Variants in REC114 observed in about 807,000 individuals in gnomAD.
REC114 encodes the protein meiotic recombination protein REC114.
REC114 carries 27 observed loss-of-function variants against 31.3 expected under a neutral mutation model. The ratio of observed to expected loss-of-function variants is 0.86; its 90% CI spans 0.64 to 1.19. The LOEUF (loss-of-function observed/expected upper bound fraction) is 1.19, where lower values mean the gene tolerates loss of function less well. Ranked by LOEUF, REC114 falls within the 50% of genes most tolerant of loss-of-function variation. The pLI is 0.00. For synonymous variants in REC114, 134 were observed against 127.7 expected, an observed-to-expected ratio of 1.05 and a Z score of -0.33; for missense variants, 344 against 326.9, an observed-to-expected ratio of 1.05 and a Z score of -0.40.
intron 1 of REC114, among the ~76,000 whole-genome samples, chr15:73,464,567 A>G (rs1256965990): frequency 6.6e-6 from 1 of 152,014 alleles, no homozygotes; most frequent in Non-Finnish European, 1.5e-5. Flanking sequence ...GTGTTGGGAG[A>G]TGCAGAAGTC....
intron 5 of REC114, among the ~76,000 whole-genome samples, chr15:73,558,770 A>G (rs753122407): frequency 5.9e-5 from 9 of 152,348 alleles, no homozygotes; most frequent in Middle Eastern, 3.4e-3. Flanking sequence ...ACAAAGTTAA[A>G]TATACACTCA....
chr15:73,500,947 C>T (rs1337339710), intron 2 of REC114, among the ~76,000 whole-genome samples: 2 of 152,016 alleles, frequency 1.3e-5, no homozygotes, highest in African/African-American at 4.8e-5. Context: ...TCAGGTGTCC[C>T]CATGGTCTTA....
intron 3 of REC114, among the ~76,000 whole-genome samples, chr15:73,549,562 G>A (rs1018911234): frequency 2.0e-5 from 3 of 152,120 alleles, no homozygotes; most frequent in Non-Finnish European, 4.4e-5. Flanking sequence ...CTCATTGAAT[G>A]CCTGTATCAA....
chr15:73,530,394 G>C (rs1254718004), intron 2 of REC114, among the ~76,000 whole-genome samples: 2 of 152,134 alleles, frequency 1.3e-5, no homozygotes, highest in Non-Finnish European at 2.9e-5. Context: ...GGGTGTGGTG[G>C]CTTATGCCTA....
At chr15:73,520,404 C>T (rs566406542) in intron 2 of REC114, among the ~76,000 whole-genome samples, 9 of 152,054 alleles carry the variant, frequency 5.9e-5, no homozygotes, top group South Asian at 4.2e-4. Flanking sequence ...CTAATTTTTG[C>T]ATTTTTAGCA....
intron 2 of REC114, among the ~76,000 whole-genome samples, chr15:73,508,130 G>A (rs1893706578): frequency 6.6e-6 from 1 of 152,126 alleles, no homozygotes; most frequent in Non-Finnish European, 1.5e-5. Flanking sequence ...TCTGAGGTCA[G>A]AGATTATGTC....
chr15:73,456,926 G>A (rs1033851471), intron 1 of REC114, among the ~76,000 whole-genome samples: 16 of 151,972 alleles, frequency 1.1e-4, no homozygotes, highest in African/African-American at 3.6e-4. Context: ...AAAAATAACA[G>A]TTTTTTAATT....
chr15:73,521,055 G>A (rs4777603), intron 2 of REC114, among the ~76,000 whole-genome samples: 1 of 152,302 alleles, frequency 6.6e-6, no homozygotes, highest in East Asian at 1.9e-4. Flanking sequence ...CATAGAGGAT[G>A]AGTATCTCTT....
chr15:73,490,568 G>A (rs1893428791), intron 2 of REC114, among the ~76,000 whole-genome samples: 1 of 152,100 alleles, frequency 6.6e-6, no homozygotes, highest in Non-Finnish European at 1.5e-5. Context: ...AGGCATGGTG[G>A]CATACACCTG....
chr15:73,493,598 C>T (rs538092898), intron 2 of REC114, among the ~76,000 whole-genome samples: 26 of 152,274 alleles, frequency 1.7e-4, no homozygotes, highest in African/African-American at 6.3e-4. Context: ...GCAATAACCT[C>T]ACTGTCCTTA....
At chr15:73,506,779 C>G (rs1476780341) in intron 2 of REC114, among the ~76,000 whole-genome samples, 1 of 152,130 alleles carries the variant, frequency 6.6e-6, no homozygotes, top group Non-Finnish European at 1.5e-5. Flanking sequence ...AGATTAAGAG[C>G]AATACAAGTC....
At chr15:73,484,527 A>C (rs1037086029) in intron 2 of REC114, among the ~76,000 whole-genome samples, 3 of 152,212 alleles carry the variant, frequency 2.0e-5, no homozygotes, top group Non-Finnish European at 4.4e-5. Flanking sequence ...ATATTTCTCC[A>C]AATTTAAAAA....
At chr15:73,547,432 T>G (rs2141333677) in intron 3 of REC114, among the ~76,000 whole-genome samples, 1 of 152,288 alleles carries the variant, frequency 6.6e-6, no homozygotes, top group African/African-American at 2.4e-5. Context: ...GGGGACCCTG[T>G]TAAATGGTTG....
chr15:73,472,063 T>G (rs1428777972), intron 1 of REC114, among the ~76,000 whole-genome samples: 2 of 152,234 alleles, frequency 1.3e-5, no homozygotes, highest in African/African-American at 2.4e-5. Context: ...TGCTTTGTCA[T>G]TGTTCATTGA....
rs145648281 is a variant in REC114 at position 73,477,989 on chromosome 15, C to A, written c.249+4068C>A. 9.7e-4 allele frequency among the ~76,000 whole-genome samples: 147 copies of A among 152,030 alleles called. 1 individual carries two copies. Among genetic ancestry groups the A allele is most frequent in the African/African-American group, 3.4e-3 (141 of 41,502 alleles). On this transcript the variant is annotated intron_variant, in intron 2 of 5. Coordinates refer to ENST00000331090, the MANE Select transcript of REC114 (RefSeq NM_001042367.2). ...TAAGAATTTGGGTTTATTGGCCGGG[C>A]GTGGTGGCTCACGCCTGTAATCCCA...
At chr15:73,526,048 T>G (rs1044087564) in intron 2 of REC114, among the ~76,000 whole-genome samples, 1 of 152,202 alleles carries the variant, frequency 6.6e-6, no homozygotes, top group African/African-American at 2.4e-5. Flanking sequence ...TTACGTTTTC[T>G]TGATTAATTT....
chr15:73,537,067 C>G (rs1483679823), intron 2 of REC114, among the ~76,000 whole-genome samples: 1 of 152,332 alleles, frequency 6.6e-6, no homozygotes, highest in Non-Finnish European at 1.5e-5. Context: ...GAAGCACCTT[C>G]TAGTGTTAAG....
intron 1 of REC114, among the ~76,000 whole-genome samples, chr15:73,466,563 AAAC>A (rs201751298): frequency 0.02 from 3,059 of 152,240 alleles, 125 homozygotes; most frequent in African/African-American, 0.069. Flanking sequence ...GGGGGAAGGA[AAAC>A]AACAACAACA....
intron 2 of REC114, among the ~76,000 whole-genome samples, chr15:73,493,503 T>G (rs116024511): frequency 0.011 from 1,741 of 152,244 alleles, 30 homozygotes; most frequent in African/African-American, 0.04. Context: ...AGATCTATTA[T>G]TTTTTCTTTT....
Sources: allele counts gnomAD v4.1 joint callset (sites outside exome capture counted in the v4.1 genomes callset), GRCh38; gene constraint gnomAD v4.1.1; transcripts MANE v1.5; gene names NCBI Gene and HGNC (gene_info 2026-07-23, HGNC 2026-07-21).